The following TNFSF15 variants were observed in gnomAD, a reference collection of about 807,000 sequenced individuals.
The protein encoded by TNFSF15 is tumor necrosis factor ligand superfamily member 15.
TNFSF15 carries 15 observed loss-of-function variants against 26.4 expected under a neutral mutation model. That is an observed-to-expected ratio of 0.57 (90% CI 0.38 to 0.87). The LOEUF is 0.87. Among genes scored for constraint, TNFSF15 ranks in the 40% least tolerant of loss-of-function variants. TNFSF15 has a pLI of 0.00. For missense variants in TNFSF15, 290 were observed against 306.1 expected, an observed-to-expected ratio of 0.95 and a Z score of 0.39; for synonymous variants, 116 against 115.0, an observed-to-expected ratio of 1.01 and a Z score of -0.06.
At chr9:114,792,553 C>T (rs778062353) in intron 2 of TNFSF15, 99 bp from the exon 3 acceptor site, 78 of 1,582,646 alleles carry the variant, frequency 4.9e-5, no homozygotes, top group Non-Finnish European at 6.3e-5. Context: ...AGGAGAGAAA[C>T]CTTGATCTCC....
Position 114,793,456 on chromosome 9 carries a change from C to T in TNFSF15, c.253+70G>A, listed in dbSNP as rs1158487799. 9 of 1,553,076 alleles carry T rather than the reference C, an allele frequency of 5.8e-6. No homozygotes were observed. The Admixed American group carries it at 1.3e-4, about 23-fold the overall frequency. ...TACTTAAAGACTCATCTCTGAACTT[C>T]CTGCATACAGAACTACTAGAAATGT... On this transcript the variant is annotated intron_variant, in intron 2 of 3. Transcript: ENST00000374045.
rs113234151 is a variant in TNFSF15, at chr9:114,797,511, G to A, written c.211-3943C>T. On this transcript the variant is annotated intron_variant, in intron 1 of 3. Transcript: ENST00000374045. ...AGGAGGAAAATTATTGTGATAGGAA[G>A]CAGTAATGAATGAGGAAGAAATTTG... Among the ~76,000 whole-genome samples the A allele has an allele frequency of 3.5e-3, 536 of 152,342 alleles. 1 individual carries two copies. The highest frequency in any genetic ancestry group is 4.7e-3 in the Non-Finnish European group (318 of 68,030).
Position 114,789,818 on chromosome 9 carries a change from A to G in TNFSF15, c.*634T>C, listed in dbSNP as rs1829564519. On this transcript the variant is annotated 3_prime_UTR_variant, in exon 4 of 4. Coordinates refer to ENST00000374045, the MANE Select transcript of TNFSF15 (RefSeq NM_005118.4). ...TATTTTTGATATACATGTGAAACTC[A>G]TACTTCCTTATTTAGATATCTGTGT... The G allele has an allele frequency of 1.3e-5, 2 of 152,362 alleles. No homozygotes were observed. Among genetic ancestry groups the G allele is most frequent in the South Asian group, 4.1e-4 (2 of 4,834 alleles). The allele number at this position is 152,362 out of a possible 1,614,324, so 9.4% of individuals were successfully genotyped here. A position where few individuals can be genotyped will look rare whatever the true frequency, so the allele number is the denominator to read the frequency against.
In TNFSF15 at chr9:114,806,020, C is replaced by T. The variant is rs376088439; in HGVS notation, c.-8G>A. 1.6e-5 allele frequency: 26 copies of T among 1,612,860 alleles called. No homozygotes were observed. In the African/African-American group the frequency reaches 3.3e-4, roughly 21 times the overall value. Reference sequence around the variant, plus strand: ...TCCCAGATCCTCGGCCATGCTCCTGCTGCTCCTGGAGGCACCTCTGACTCC... The same window carrying T: ...TCCCAGATCCTCGGCCATGCTCCTGTTGCTCCTGGAGGCACCTCTGACTCC... On this transcript the variant is annotated 5_prime_UTR_variant, in exon 1 of 4. Transcript: ENST00000374045.
chr9:114,799,099 C>A lies in TNFSF15; in HGVS notation c.211-5531G>T, dbSNP rs1194741260. Among the ~76,000 whole-genome samples, 8 of 152,326 alleles carry A rather than the reference C, an allele frequency of 5.3e-5. No homozygotes were observed. In the South Asian group the frequency reaches 1.7e-3, roughly 32 times the overall value. ...TTCTGAGGTCATTTCATTTCATCAT[C>A]CTCCAAGGTGCCCTGGATAGGGCTT... On this transcript the variant is annotated intron_variant, in intron 1 of 3. Coordinates refer to ENST00000374045, the MANE Select transcript of TNFSF15 (RefSeq NM_005118.4).
intron 1 of TNFSF15, among the ~76,000 whole-genome samples, chr9:114,796,423 C>T (rs6478108): frequency 0.73 from 110,734 of 152,200 alleles, 41,088 homozygotes; most frequent in African/African-American, 0.87. Context: ...ATCCCAGTCT[C>T]GCTATCCATT....
chr9:114,786,333 A>G lies in TNFSF15; in HGVS notation c.*4119T>C, dbSNP rs1038876804. On this transcript the variant is annotated 3_prime_UTR_variant, in exon 4 of 4. Coordinates refer to ENST00000374045, the MANE Select transcript of TNFSF15 (RefSeq NM_005118.4). ...TTCTGTCTTGCAGAATTAATCCCCA[A>G]TGTCACAATCATGGAAACAGAATTG... 2 of 152,218 alleles carry G rather than the reference A, an allele frequency of 1.3e-5. No homozygotes were observed. The highest frequency in any genetic ancestry group is 4.8e-5 in the African/African-American group (2 of 41,464). The allele number at this position is 152,218 out of a possible 1,614,324, so 9.4% of individuals were successfully genotyped here. A position where few individuals can be genotyped will look rare whatever the true frequency, so the allele number is the denominator to read the frequency against.
Position 114,790,601 on chromosome 9 carries a change from C to T in TNFSF15, c.607G>A (p.Glu203Lys), listed in dbSNP as rs150498686. Residue 203 changes from glutamate to lysine, a missense_variant, in exon 4 of 4, where the codon GAA (glutamate) becomes AAA (lysine). Glu to Lys is a moderately conservative substitution (Grantham distance 56). Transcript: ENST00000374045. ...QLLMGTKSVCEVGSNWFQPIY... is the reference protein window; with the variant it reads ...QLLMGTKSVCKVGSNWFQPIY... ...GGCTGGAACCAGTTGCTACCTACTT[C>T]GCATACAGACTTGGTCCCCATGAGG... 1.4e-5 allele frequency: 22 copies of T among 1,613,946 alleles called. No individual in the cohort carries two copies. The highest frequency in any genetic ancestry group is 6.7e-5 in the Admixed American group (4 of 59,998).
At chr9:114,793,424 C>T in intron 2 of TNFSF15, 102 bp downstream of exon 2, 1 of 1,394,846 alleles carries the variant, frequency 7.2e-7, no homozygotes, top group Non-Finnish European at 1.0e-6. Context: ...CTCAGCTTAG[C>T]AACTTGTACT....
intron 1 of TNFSF15, among the ~76,000 whole-genome samples, chr9:114,794,469 A>C (rs1316127363): frequency 6.6e-6 from 1 of 152,210 alleles, no homozygotes; most frequent in East Asian, 1.9e-4. Flanking sequence ...GATATTTCTC[A>C]AAAAACTAAA....
In TNFSF15 at chr9:114,786,859, C is replaced by A. The variant is rs1176640205; in HGVS notation, c.*3593G>T. The A allele has an allele frequency of 7.2e-6, 1 of 138,100 alleles. No homozygotes were observed. The highest frequency in any genetic ancestry group is 1.5e-5 in the Non-Finnish European group (1 of 66,236). 8.6% of individuals were successfully genotyped at this position (138,100 alleles called of 1,614,324 possible). ...CCTGGGAGGCAGAGGTTGCAGTGAA[C>A]TGAGATCCTGCCACTGCACTTCAGC... On this transcript the variant is annotated 3_prime_UTR_variant, in exon 4 of 4. Coordinates refer to ENST00000374045, the MANE Select transcript of TNFSF15 (RefSeq NM_005118.4).
chr9:114,793,432 A>G, intron 2 of TNFSF15, 94 bp downstream of exon 2: 1 of 1,436,144 alleles, frequency 7.0e-7, no homozygotes. Flanking sequence ...AGCAACTTGT[A>G]CTTAAAGACT....
At chr9:114,792,519 T>C (rs1167836683) in intron 2 of TNFSF15, 65 bp from the exon 3 acceptor site, 2 of 1,610,946 alleles carry the variant, frequency 1.2e-6, no homozygotes. Flanking sequence ...GACGGCCCTT[T>C]GTGAGTTGCA....
At chr9:114,792,339 T>G (rs1399485999) in intron 3 of TNFSF15, 68 bp downstream of exon 3, 2 of 1,567,848 alleles carry the variant, frequency 1.3e-6, no homozygotes, top group African/African-American at 2.7e-5. Flanking sequence ...TGAATTTTGG[T>G]AAAGTGCTGA....
At chr9:114,792,153 T>C in intron 3 of TNFSF15, 1 of 481,672 alleles carries the variant, frequency 2.1e-6, no homozygotes, top group Non-Finnish European at 3.7e-6. Flanking sequence ...AAATATGGAA[T>C]CAACTTAAGT....
In TNFSF15 at chr9:114,798,737, C is replaced by T. The variant is rs547965800; in HGVS notation, c.211-5169G>A. Reference sequence around the variant, plus strand: ...ATTGGGAGCTTCATAAACATCAGCTCAGTGTACAATAGATGAACAAGCCTG... The same window carrying T: ...ATTGGGAGCTTCATAAACATCAGCTTAGTGTACAATAGATGAACAAGCCTG... On this transcript the variant is annotated intron_variant, in intron 1 of 3. Transcript: ENST00000374045. Among the ~76,000 whole-genome samples the T allele has an allele frequency of 2.6e-5, 4 of 152,274 alleles. No homozygotes were observed. In the South Asian group the frequency reaches 8.3e-4, roughly 32 times the overall value.
At position 114,804,768 on chromosome 9, in the gene TNFSF15, T is replaced by G. The variant is rs117883368; in HGVS notation, c.210+1035A>C. Among the ~76,000 whole-genome samples, 11 of 152,388 alleles carry G rather than the reference T, an allele frequency of 7.2e-5. No homozygotes were observed. In the East Asian group the frequency reaches 1.7e-3, roughly 24 times the overall value. ...GCTGCCTGAATCACAGTCTGTTTGTTGACCCTGATGGGGCAGCGAGAATTA... is the reference window on the plus strand; with the variant it reads ...GCTGCCTGAATCACAGTCTGTTTGTGGACCCTGATGGGGCAGCGAGAATTA... On this transcript the variant is annotated intron_variant, in intron 1 of 3. Transcript: ENST00000374045.
At chr9:114,800,125 G>T (rs1829725827) in intron 1 of TNFSF15, among the ~76,000 whole-genome samples, 4 of 152,096 alleles carry the variant, frequency 2.6e-5, no homozygotes, top group African/African-American at 9.7e-5. Flanking sequence ...ATCCCAGGTG[G>T]AGTGGGGAGG....
intron 3 of TNFSF15, chr9:114,791,153 T>C (rs1355925976): frequency 1.7e-6 from 1 of 581,770 alleles, no homozygotes; most frequent in Non-Finnish European, 3.1e-6. Flanking sequence ...TGGTCTGACC[T>C]GAAAATTTTT....
Sources: allele counts gnomAD v4.1 joint callset (sites outside exome capture counted in the v4.1 genomes callset), GRCh38; gene constraint gnomAD v4.1.1; transcripts MANE v1.5; gene names NCBI Gene and HGNC (gene_info 2026-07-23, HGNC 2026-07-21).